ZNF200: variants seen among roughly 807,000 people sequenced by gnomAD.
ZNF200 encodes the protein zinc finger protein 200.
Under a neutral mutation model 33.6 loss-of-function variants are expected in ZNF200, and 35 were observed. That is an observed-to-expected ratio of 1.04 (90% CI 0.80 to 1.38). The LOEUF (loss-of-function observed/expected upper bound fraction) is 1.38. Among genes scored for constraint, ZNF200 ranks in the 40% most tolerant of loss-of-function variants. The pLI is 0.00. For synonymous variants in ZNF200, 209 were observed against 167.7 expected (o/e 1.25, Z -1.90); for missense variants, 592 against 470.6 (o/e 1.26, Z -2.39).
At chr16:3,230,920 T>C (rs1470628827) in intron 4 of ZNF200, among the ~76,000 whole-genome samples, 4 of 152,224 alleles carry the variant, frequency 2.6e-5, no homozygotes, top group Admixed American at 2.0e-4. Flanking sequence ...CCTATAAAAA[T>C]TTCACACTGC....
chr16:3,232,987 C>T (rs1258415477), intron 2 of ZNF200, 66 bp from the exon 3 acceptor site: 47 of 1,441,590 alleles, frequency 3.3e-5, no homozygotes, highest in South Asian at 4.6e-5. Context: ...CTCCCCATAC[C>T]GCGAGGCCAG....
chr16:3,224,605 C>T lies in ZNF200; in HGVS notation c.475G>A (p.Gly159Ser). The T allele has an allele frequency of 1.3e-6, 2 of 1,588,628 alleles. No homozygotes were observed. Among genetic ancestry groups the T allele is most frequent in the South Asian group, 1.1e-5 (1 of 88,318 alleles). ...VGEMMLLAVN[G>S]SNPEGEDPER... The stretch of plus-strand genomic sequence containing the variant: ...GGATCTTCACCTTCAGGATTACTGC[C>T]ATTGACTGCTGAAACAAAGAGAGAA... The change falls in exon 5 of 5, where the codon GGC (glycine) becomes AGC (serine). Residue 159 changes from glycine (G) to serine (S), a missense_variant. Gly to Ser is a moderately conservative substitution (Grantham distance 56, BLOSUM62 0). Transcript: ENST00000414144.
chr16:3,231,207 A>T (rs1293359527), intron 4 of ZNF200, among the ~76,000 whole-genome samples: 3 of 152,182 alleles, frequency 2.0e-5, no homozygotes, highest in Non-Finnish European at 4.4e-5. Context: ...TCCACTAACC[A>T]GTCACCCAAA....
rs1038269622 is a variant in ZNF200 at position 3,228,048 on chromosome 16, T to A, written c.467-3435A>T. Among the ~76,000 whole-genome samples the A allele has an allele frequency of 2.6e-4, 39 of 152,318 alleles. 1 individual carries two copies. Among genetic ancestry groups the A allele is most frequent in the Non-Finnish European group, 4.6e-4 (31 of 68,018 alleles). Reference sequence around the variant, plus strand: ...CTAGCCAAAAACATAGTATTTTTTTTTTTTGCTTTCGTTGAAATCTACTCT... The same window carrying A: ...CTAGCCAAAAACATAGTATTTTTTTATTTTGCTTTCGTTGAAATCTACTCT... On this transcript the variant is annotated intron_variant, in intron 4 of 4. Coordinates refer to ENST00000414144, the MANE Select transcript of ZNF200 (RefSeq NM_198088.3).
At chr16:3,225,561 C>T (rs952017060) in intron 4 of ZNF200, 1 of 152,062 alleles carries the variant, frequency 6.6e-6, no homozygotes, top group Non-Finnish European at 1.5e-5. Context: ...TGAGTGGGTA[C>T]AGGGCACAAA....
Position 3,222,955 on chromosome 16 carries a change from C to G in ZNF200, c.*937G>C, listed in dbSNP as rs1190611880. The G allele has an allele frequency of 6.6e-6, 1 of 152,196 alleles. No homozygotes were observed. The highest frequency in any genetic ancestry group is 1.5e-5 in the Non-Finnish European group (1 of 68,048). The allele number at this position is 152,196 out of a possible 1,614,324, so 9.4% of individuals were successfully genotyped here. A position where few individuals can be genotyped will look rare whatever the true frequency, so the allele number is the denominator to read the frequency against. ...GGTCTGATGACAGCATAGAGGGGAC[C>G]TAAGCATATGGTAAGGTTATTGATG... is the stretch of plus-strand genomic sequence containing the variant. On this transcript the variant is annotated 3_prime_UTR_variant, in exon 5 of 5. Coordinates refer to ENST00000414144, the MANE Select transcript of ZNF200 (RefSeq NM_198088.3).
chr16:3,228,622 G>GT (rs1019370885), intron 4 of ZNF200, among the ~76,000 whole-genome samples: 2 of 151,920 alleles, frequency 1.3e-5, no homozygotes, highest in Non-Finnish European at 2.9e-5. Flanking sequence ...AGCCTCCAGA[G>GT]TAACTGGGAT....
rs748387537 is a variant in ZNF200, at chr16:3,223,946, G to GT, written c.1133dup (p.Asn378LysfsTer6). Reference sequence around the variant, plus strand: ...AGTGGGTTTTCTCATGCCGGGTACAGTTTGACAGCCGACCAAATCTTCTCC... The same window carrying GT: ...AGTGGGTTTTCTCATGCCGGGTACAGTTTTGACAGCCGACCAAATCTTCTCC... On this transcript the variant is annotated frameshift_variant, in exon 5 of 5. Transcript: ENST00000414144. LOFTEE classifies it high-confidence loss of function. 1.9e-6 allele frequency: 3 copies of GT among 1,614,136 alleles called. No homozygotes were observed. The highest frequency in any genetic ancestry group is 1.7e-6 in the Non-Finnish European group (2 of 1,180,022).
At position 3,223,926 on chromosome 16, in the gene ZNF200, G is replaced by A. The variant is rs1320624064; in HGVS notation, c.1154C>T (p.Thr385Ile). 2 of 1,613,766 alleles carry A rather than the reference G, an allele frequency of 1.2e-6. No individual in the cohort carries two copies. The highest frequency in any genetic ancestry group is 1.3e-5 in the African/African-American group (1 of 74,894). The change falls in exon 5 of 5, where the codon ACC becomes ATC. Residue 385 changes from threonine to isoleucine, a missense_variant. Thr to Ile is a moderately conservative substitution (Grantham distance 89, BLOSUM62 -1). Coordinates refer to ENST00000414144, the MANE Select transcript of ZNF200 (RefSeq NM_198088.3). ...CTTTCGGGTCTTACAGGCTGAGTGG[G>A]TTTTCTCATGCCGGGTACAGTTTGA... ...RLSNCTRHEK[T>I]HSACKTRKQK
rs759556381 is a variant in ZNF200, at chr16:3,224,352, G to C, written c.728C>G (p.Thr243Ser). 1 of 1,614,178 alleles carries C rather than the reference G, an allele frequency of 6.2e-7. No homozygotes were observed. The highest frequency in any genetic ancestry group is 8.5e-7 in the Non-Finnish European group (1 of 1,180,026). The change falls in exon 5 of 5, where the codon ACT becomes AGT. Residue 243 changes from threonine (T) to serine (S), a missense_variant. Coordinates refer to ENST00000414144, the MANE Select transcript of ZNF200 (RefSeq NM_198088.3). Reference protein sequence around the residue: ...KYVDISIIALTRNRRTRRWYT... With the variant: ...KYVDISIIALSRNRRTRRWYT... Reference sequence around the variant, plus strand: ...CCATCTCCTTGTCCTCCGATTTCGAGTAAGGGCAATAATACTGATGTCTAC... The same window carrying C: ...CCATCTCCTTGTCCTCCGATTTCGACTAAGGGCAATAATACTGATGTCTAC...
At chr16:3,234,708 C>G (rs1958756220) in intron 1 of ZNF200, 1 of 152,284 alleles carries the variant, frequency 6.6e-6, no homozygotes, top group Non-Finnish European at 1.5e-5. Context: ...GGAGCAGATG[C>G]AAGGCCGAGG....
chr16:3,228,729 T>C (rs1235360543), intron 4 of ZNF200, among the ~76,000 whole-genome samples: 3 of 152,098 alleles, frequency 2.0e-5, no homozygotes, highest in Non-Finnish European at 4.4e-5. Context: ...CTCAAACTCC[T>C]GACCTCAGGT....
Position 3,225,014 on chromosome 16 carries a change from C to T in ZNF200, c.467-401G>A, listed in dbSNP as rs116273110. ...GGAGTCTGGTAACTGAATAGTAAGA[C>T]GAACCACTTGTAGGTTTTCACTATA... On this transcript the variant is annotated intron_variant, in intron 4 of 4. Transcript: ENST00000414144. 988 of 168,934 alleles carry T rather than the reference C, an allele frequency of 5.8e-3. 9 individuals are homozygous for T. Among genetic ancestry groups the T allele is most frequent in the African/African-American group, 0.02 (850 of 41,980 alleles). The allele number at this position is 168,934 out of a possible 1,614,324, so 10.5% of individuals were successfully genotyped here. A position where few individuals can be genotyped will look rare whatever the true frequency, so the allele number is the denominator to read the frequency against.
rs1958390303 is a variant in ZNF200, at chr16:3,223,749, G to C, written c.*143C>G. 5 of 1,277,462 alleles carry C rather than the reference G, an allele frequency of 3.9e-6. No individual in the cohort carries two copies. The highest frequency in any genetic ancestry group is 3.2e-6 in the Non-Finnish European group (3 of 943,284). 79.1% of individuals were successfully genotyped at this position (1,277,462 alleles called of 1,614,324 possible). A position where few individuals can be genotyped will look rare whatever the true frequency, so the allele number is the denominator to read the frequency against. ...AATTTTCTAGCAATTTGAGGTTTTA[G>C]CTAAGATGGGCATTTATCCAATTTT... is the stretch of plus-strand genomic sequence containing the variant. On this transcript the variant is annotated 3_prime_UTR_variant, in exon 5 of 5. Coordinates refer to ENST00000414144, the MANE Select transcript of ZNF200 (RefSeq NM_198088.3).
intron 4 of ZNF200, 42 bp from the exon 5 acceptor site, chr16:3,224,655 C>G (rs368623860): frequency 6.6e-7 from 1 of 1,525,610 alleles, no homozygotes. Flanking sequence ...AGAGATATCA[C>G]AACACCAGGC....
In ZNF200 at chr16:3,224,551, A is replaced by G. The variant is rs1225240277; in HGVS notation, c.529T>C (p.Tyr177His). The G allele has an allele frequency of 1.2e-6, 2 of 1,612,922 alleles. No individual in the cohort carries two copies. The highest frequency in any genetic ancestry group is 2.7e-5 in the African/African-American group (2 of 74,850). The change falls in exon 5 of 5, where the codon TAT becomes CAT. Residue 177 changes from tyrosine to histidine, a missense_variant. Physicochemically the swap from Tyr to His is moderately conservative, Grantham distance 83. Transcript: ENST00000414144. ...PEREPVENED[Y>H]REKSSDDDEM... ...TCATCATCTGAAGACTTTTCTCTAT[A>G]ATCTTCATTTTCTACAGGTTCCCTC... is the stretch of plus-strand genomic sequence containing the variant.
chr16:3,223,520 C>G lies in ZNF200; in HGVS notation c.*372G>C. 1 of 174,138 alleles carries G rather than the reference C, an allele frequency of 5.7e-6. No individual in the cohort carries two copies. Among genetic ancestry groups the G allele is most frequent in the Non-Finnish European group, 1.2e-5 (1 of 82,614 alleles). The allele number at this position is 174,138 out of a possible 1,614,324, so 10.8% of individuals were successfully genotyped here. On this transcript the variant is annotated 3_prime_UTR_variant, in exon 5 of 5. Transcript: ENST00000414144. ...GCACTATTTCTCAAGTATGAATCCC[C>G]ATGTGGGGGGAAAACGGATATACTT...
chr16:3,234,858 A>C (rs1596345629), intron 1 of ZNF200, 129 bp downstream of exon 1: 1 of 152,244 alleles, frequency 6.6e-6, no homozygotes, highest in South Asian at 2.1e-4. Context: ...TTTACCGTAA[A>C]GCTCAGCGTG....
intron 4 of ZNF200, chr16:3,226,541 G>C (rs575077415): frequency 6.6e-6 from 1 of 152,198 alleles, no homozygotes; most frequent in Admixed American, 6.5e-5. Context: ...TCTCATTGTA[G>C]TTTTACTTTG....
Sources: allele counts gnomAD v4.1 joint callset (sites outside exome capture counted in the v4.1 genomes callset), GRCh38; gene constraint gnomAD v4.1.1; transcripts MANE v1.5; gene names NCBI Gene and HGNC (gene_info 2026-07-23, HGNC 2026-07-21).